The following TRMT44 variants were observed in gnomAD, a reference collection of about 807,000 sequenced individuals.
TRMT44 encodes the protein probable tRNA (uracil-O(2)-)-methyltransferase.
In TRMT44, 78 loss-of-function variants were observed where a neutral mutation model predicts 77.3. The observed-to-expected ratio is 1.01, with a 90% CI of 0.84 to 1.22. The LOEUF is 1.22. TRMT44 is among the 50% of genes most tolerant of loss of function. The pLI is 0.00. For missense variants in TRMT44, 1,090 were observed against 964.4 expected, an observed-to-expected ratio of 1.13 and a Z score of -1.73; for synonymous variants, 391 against 383.3, an observed-to-expected ratio of 1.02 and a Z score of -0.23.
chr4:8,485,686 T>C (rs1727780533), intron 2 of TRMT44, among the ~76,000 whole-genome samples: 1 of 151,760 alleles, frequency 6.6e-6, no homozygotes, highest in South Asian at 2.1e-4. Flanking sequence ...AGGGCGGCAA[T>C]GAGATGTGGC....
intron 5 of TRMT44, 30 bp from the exon 6 acceptor site, chr4:8,454,712 A>T (rs771112851): frequency 3.1e-6 from 5 of 1,608,346 alleles, no homozygotes; most frequent in Non-Finnish European, 4.3e-6. Flanking sequence ...ACTAAGGTTA[A>T]CCTTTGATTT....
intron 10 of TRMT44, among the ~76,000 whole-genome samples, chr4:8,472,721 G>A (rs1481290146): frequency 6.6e-6 from 1 of 152,216 alleles, no homozygotes; most frequent in Non-Finnish European, 1.5e-5. Context: ...CGGGGCAGGC[G>A]CAGAAGCGTG....
At chr4:8,486,948 A>G (rs1727829056) in intron 2 of TRMT44, among the ~76,000 whole-genome samples, 1 of 152,094 alleles carries the variant, frequency 6.6e-6, no homozygotes, top group Non-Finnish European at 1.5e-5. Flanking sequence ...GAAAAGGAAG[A>G]TTAGAAAGAC....
chr4:8,468,151 G>A lies in TRMT44; in HGVS notation c.1732G>A (p.Gly578Arg). The change falls in exon 9 of 11, where the codon GGG becomes AGG. Residue 578 changes from glycine (G) to arginine (R), a missense_variant. By Grantham distance (125) the Gly-to-Arg change is moderately radical. Coordinates refer to ENST00000389737, the MANE Select transcript of TRMT44 (RefSeq NM_152544.3). Reference protein sequence around the residue: ...TRAWAAEHGAGPQAEGPWLPG... With the variant: ...TRAWAAEHGARPQAEGPWLPG... ...GGCCTGGGCCGCTGAGCATGGAGCA[G>A]GGCCCCAGGCTGAAGGACCCTGGCT... is the stretch of plus-strand genomic sequence containing the variant. 1.9e-6 allele frequency: 3 copies of A among 1,614,076 alleles called. No individual in the cohort carries two copies. The highest frequency in any genetic ancestry group is 2.5e-6 in the Non-Finnish European group (3 of 1,180,020).
intron 8 of TRMT44, among the ~76,000 whole-genome samples, chr4:8,467,563 C>G (rs897033552): frequency 1.3e-5 from 2 of 152,186 alleles, no homozygotes; most frequent in African/African-American, 4.8e-5. Flanking sequence ...GCTCACTGGC[C>G]TCTGCCTCCT....
At chr4:8,495,342 A>T (rs1173888732), downstream of TRMT44, among the ~76,000 whole-genome samples, 1 of 152,196 alleles carries the variant, frequency 6.6e-6, no homozygotes, top group Non-Finnish European at 1.5e-5. Context: ...CAACTGCCAG[A>T]GTCAGGATTT....
chr4:8,493,700 GCT>G (rs1343138629), downstream of TRMT44, among the ~76,000 whole-genome samples: 8 of 152,014 alleles, frequency 5.3e-5, no homozygotes, highest in African/African-American at 1.7e-4. Flanking sequence ...TAGTCACCTT[GCT>G]CTCAGCGCAG....
At chr4:8,490,746 G>GC (rs1052101350) in intron 2 of TRMT44, among the ~76,000 whole-genome samples, 1 of 152,178 alleles carries the variant, frequency 6.6e-6, no homozygotes, top group Non-Finnish European at 1.5e-5. Context: ...TGTGGAAGGG[G>GC]CCCCGAGCGG....
At chr4:8,480,532 C>T (rs976346457), downstream of TRMT44, among the ~76,000 whole-genome samples, 4 of 152,212 alleles carry the variant, frequency 2.6e-5, no homozygotes, top group African/African-American at 7.2e-5. Flanking sequence ...TCATACTCTG[C>T]CATTTTGTCT....
At chr4:8,507,722 T>C in the TRMT44 span, among the ~76,000 whole-genome samples, 3 of 152,190 alleles carry the variant, frequency 2.0e-5, no homozygotes, top group African/African-American at 7.2e-5. Context: ...TGTCGCTCCA[T>C]GTACAGACAG....
At chr4:8,490,117 T>A (rs985251421) in intron 2 of TRMT44, among the ~76,000 whole-genome samples, 2 of 152,114 alleles carry the variant, frequency 1.3e-5, no homozygotes, top group Admixed American at 6.5e-5. Context: ...TCCTGTGTGA[T>A]TTCATCTCTG....
At chr4:8,500,511 TAAATA>T in the TRMT44 span, among the ~76,000 whole-genome samples, 2 of 151,606 alleles carry the variant, frequency 1.3e-5, no homozygotes, top group African/African-American at 4.8e-5. Flanking sequence ...AATAAATAAA[TAAATA>T]AAATAAAATA....
the TRMT44 span, among the ~76,000 whole-genome samples, chr4:8,504,062 G>A: frequency 6.6e-6 from 1 of 152,058 alleles, no homozygotes; most frequent in Non-Finnish European, 1.5e-5. This position sits in a 1 kb window ranked among gnomAD's most constrained non-coding sequence, Gnocchi z 5.3. Context: ...TCCCCCTCCA[G>A]CCTCTGAGCC....
At chr4:8,473,433 G>A (rs16842352) in intron 10 of TRMT44, 4,141 of 152,516 alleles carry the variant, frequency 0.027, 69 homozygotes, top group South Asian at 0.04. Context: ...GCGCCGGCCC[G>A]ATGTCTCCCA....
intron 6 of TRMT44, among the ~76,000 whole-genome samples, chr4:8,463,637 A>T (rs1726315086): frequency 6.6e-6 from 1 of 152,282 alleles, no homozygotes; most frequent in African/African-American, 2.4e-5. Flanking sequence ...GCTTGCTCCC[A>T]TGCTCTGCCA....
In TRMT44 at chr4:8,446,122, G is replaced by C. The variant is rs758492677; in HGVS notation, c.620-354G>C. Among the ~76,000 whole-genome samples, 1 of 152,210 alleles carries C rather than the reference G, an allele frequency of 6.6e-6. No homozygotes were observed. The highest frequency in any genetic ancestry group is 1.5e-5 in the Non-Finnish European group (1 of 68,036). On this transcript the variant is annotated intron_variant, in intron 1 of 10. Coordinates refer to ENST00000389737, the MANE Select transcript of TRMT44 (RefSeq NM_152544.3). This position sits in a 1 kb window ranked among gnomAD's most constrained non-coding sequence, Gnocchi z 4.3. ...GTTCTGTGCCTTGCTCACACTCGAA[G>C]ATCATGGTCAGGCTGTGGCAGACAC...
chr4:8,484,875 G>C (rs981994605), intron 2 of TRMT44, among the ~76,000 whole-genome samples: 7 of 152,184 alleles, frequency 4.6e-5, no homozygotes. Context: ...TTGGACATGA[G>C]CGGCAGGGAG....
In TRMT44 at chr4:8,475,856, T is replaced by C. The variant is rs143197253; in HGVS notation, c.2129T>C (p.Leu710Pro). ...TKQPEAKQRL[L>P]SEACKTRLCW... is the part of the protein sequence containing the mutation. ...CAACCGGAAGCGAAACAGAGACTGC[T>C]CTCTGAAGCCTGCAAAACCCGCCTC... The change falls in exon 11 of 11, where the codon CTC (leucine) becomes CCC (proline). Residue 710 changes from leucine to proline, a missense_variant. Transcript: ENST00000389737. 267 of 1,614,196 alleles carry C rather than the reference T, an allele frequency of 1.7e-4. 1 individual carries two copies. The African/African-American group carries it at 3.3e-3, about 20-fold the overall frequency.
intron 6 of TRMT44, among the ~76,000 whole-genome samples, chr4:8,459,136 A>G (rs1725994253): frequency 6.6e-6 from 1 of 152,132 alleles, no homozygotes; most frequent in Non-Finnish European, 1.5e-5. Flanking sequence ...TGGGAGGTTG[A>G]GACTGCGGTG....
Sources: allele counts gnomAD v4.1 joint callset (sites outside exome capture counted in the v4.1 genomes callset), GRCh38; gene constraint gnomAD v4.1.1; non-coding constraint Gnocchi (gnomAD v3.1); transcripts MANE v1.5; gene names NCBI Gene and HGNC (gene_info 2026-07-23, HGNC 2026-07-21).